USP40: variants seen among roughly 807,000 people sequenced by gnomAD.
USP40 encodes the protein ubiquitin specific peptidase 40.
A neutral mutation model predicts 166.2 loss-of-function variants in USP40; 143 were observed. The ratio of observed to expected loss-of-function variants is 0.86; its 90% CI spans 0.75 to 0.99. The LOEUF is 0.99. Among genes scored for constraint, USP40 ranks in the 50% least tolerant of loss-of-function variants. The pLI, the probability that USP40 is intolerant of heterozygous loss-of-function variation, is 0.00. For synonymous variants in USP40, 498 were observed against 524.0 expected (o/e 0.95, Z 0.68); for missense variants, 1,444 against 1,479.7 (o/e 0.98, Z 0.40).
intron 15 of USP40, 33 bp from the exon 16 acceptor site, chr2:233,523,522 CTGA>C (rs1559251783): frequency 6.4e-7 from 1 of 1,570,434 alleles, no homozygotes; most frequent in Admixed American, 1.8e-5. Flanking sequence ...ATTAGTACAG[CTGA>C]TATTTGCCAA....
chr2:233,548,004 T>C (rs1424082393), intron 8 of USP40, among the ~76,000 whole-genome samples: 1 of 151,974 alleles, frequency 6.6e-6, no homozygotes, highest in East Asian at 1.9e-4. Context: ...CAATGTGGTA[T>C]TTGCCCAGGA....
In USP40 at chr2:233,525,701, G is replaced by A. The variant is rs112827415; in HGVS notation, c.1726-139C>T. On this transcript the variant is annotated intron_variant, in intron 13 of 31. Coordinates refer to ENST00000678225, the MANE Select transcript of USP40 (RefSeq NM_001365479.2). ...AATACTCTCACCCCCACCCAACACCGAAAACTTGAAAAGAAGGCATCACTT... is the reference window on the plus strand; with the variant it reads ...AATACTCTCACCCCCACCCAACACCAAAAACTTGAAAAGAAGGCATCACTT... The A allele has an allele frequency of 2.5e-3, 1,388 of 560,988 alleles. 17 individuals are homozygous for A. The highest frequency in any genetic ancestry group is 0.022 in the African/African-American group (1,151 of 52,954). The allele number at this position is 560,988 out of a possible 1,614,324, so 34.8% of individuals were successfully genotyped here.
At chr2:233,521,707 C>G (rs1655872392) in intron 16 of USP40, among the ~76,000 whole-genome samples, 1 of 152,192 alleles carries the variant, frequency 6.6e-6, no homozygotes, top group South Asian at 2.1e-4. Context: ...CCGAAGTCCT[C>G]TTTGGGAATG....
intron 21 of USP40, among the ~76,000 whole-genome samples, chr2:233,503,838 C>T (rs1189715644): frequency 6.6e-6 from 1 of 152,086 alleles, no homozygotes; most frequent in African/African-American, 2.4e-5. Context: ...GTATAAAACT[C>T]ACAAGTATAG....
At chr2:233,491,378 T>G in intron 25 of USP40, 117 bp from the exon 26 acceptor site, 1 of 784,646 alleles carries the variant, frequency 1.3e-6, no homozygotes, top group Non-Finnish European at 2.1e-6. Context: ...CTCAAGAGCC[T>G]CTGCATCCAA....
At chr2:233,535,277 C>T (rs2068854195) in intron 10 of USP40, among the ~76,000 whole-genome samples, 1 of 152,146 alleles carries the variant, frequency 6.6e-6, no homozygotes, top group Non-Finnish European at 1.5e-5. Context: ...AGCAGGGCTG[C>T]CTGATGCCAA....
At chr2:233,515,059 T>C (rs558759778) in intron 18 of USP40, among the ~76,000 whole-genome samples, 2 of 152,344 alleles carry the variant, frequency 1.3e-5, no homozygotes, top group East Asian at 1.9e-4. Flanking sequence ...TTGAGATGCA[T>C]TCATGTGTTG....
At chr2:233,515,796 T>C (rs1322659483) in intron 18 of USP40, among the ~76,000 whole-genome samples, 1 of 152,236 alleles carries the variant, frequency 6.6e-6, no homozygotes, top group Non-Finnish European at 1.5e-5. Flanking sequence ...TCATATGTTT[T>C]CTCCCAGAAA....
intron 28 of USP40, among the ~76,000 whole-genome samples, chr2:233,487,433 CAT>C (rs2065016241): frequency 6.6e-6 from 1 of 152,084 alleles, no homozygotes. Flanking sequence ...ATGTCCACAC[CAT>C]TTGATCCTGG....
chr2:233,561,139 A>C (rs938708354), intron 3 of USP40: 2 of 1,566,284 alleles, frequency 1.3e-6, no homozygotes, highest in Non-Finnish European at 1.7e-6. Flanking sequence ...AAAACACCCC[A>C]GTAAATCATA....
At chr2:233,544,420 C>T (rs952868968) in intron 8 of USP40, among the ~76,000 whole-genome samples, 2 of 152,148 alleles carry the variant, frequency 1.3e-5, no homozygotes, top group Non-Finnish European at 2.9e-5. Context: ...TTAAATAAAT[C>T]ACTCGTCACT....
chr2:233,541,259 G>A (rs1227872565), intron 9 of USP40, among the ~76,000 whole-genome samples: 1 of 152,198 alleles, frequency 6.6e-6, no homozygotes, highest in African/African-American at 2.4e-5. Flanking sequence ...CAATATTTCA[G>A]AATGTGACCA....
At chr2:233,560,821 G>T in intron 3 of USP40, 1 of 503,764 alleles carries the variant, frequency 2.0e-6, no homozygotes. Flanking sequence ...GTGGGGTGGA[G>T]AGGTCGGTAT....
At chr2:233,483,820 T>C (rs960360516) in intron 30 of USP40, among the ~76,000 whole-genome samples, 4 of 152,226 alleles carry the variant, frequency 2.6e-5, no homozygotes, top group Non-Finnish European at 1.5e-5. Context: ...GAATCATAGA[T>C]ACTCAACTTG....
At chr2:233,507,249 T>C (rs1030765137) in intron 21 of USP40, among the ~76,000 whole-genome samples, 10 of 152,204 alleles carry the variant, frequency 6.6e-5, no homozygotes, top group African/African-American at 2.2e-4. Context: ...ACGGCCATTA[T>C]AGAAAACAGT....
intron 8 of USP40, among the ~76,000 whole-genome samples, chr2:233,545,119 T>TA (rs2069788671): frequency 6.6e-6 from 1 of 152,088 alleles, no homozygotes; most frequent in African/African-American, 2.4e-5. Context: ...CACAAGGAAA[T>TA]ACAATCAGCA....
At chr2:233,496,662 T>C in intron 24 of USP40, 96 bp downstream of exon 24, 1 of 978,118 alleles carries the variant, frequency 1.0e-6, no homozygotes, top group South Asian at 1.6e-5. Flanking sequence ...TATGACTGTC[T>C]GAATTTCCCC....
intron 10 of USP40, among the ~76,000 whole-genome samples, chr2:233,540,369 T>A (rs1276150365): frequency 6.6e-6 from 1 of 152,166 alleles, no homozygotes; most frequent in Non-Finnish European, 1.5e-5. Context: ...TCAAGTGAAA[T>A]CTGGGTGAAT....
In USP40 at chr2:233,562,755, T is replaced by C. The variant is rs547720851; in HGVS notation, c.248A>G (p.Lys83Arg). 2.0e-6 allele frequency: 3 copies of C among 1,536,548 alleles called. No homozygotes were observed. The highest frequency in any genetic ancestry group is 4.9e-5 in the East Asian group (2 of 40,564). The change falls in exon 3 of 32, where the codon AAG (lysine) becomes AGG (arginine). Residue 83 changes from lysine (K) to arginine (R), a missense_variant. Lys to Arg is a conservative substitution (Grantham distance 26). Transcript: ENST00000678225. ...GPEELGLFED[K>R]DKPDAKVRII... ...AAATACCTTTGCATCGGGTTTATCC[T>C]TATCTTCAAACAAACCAAGCTCTTC...
Sources: gnomAD v4.1 joint callset for allele counts (sites outside exome capture counted in the v4.1 genomes callset) on GRCh38, gnomAD v4.1.1 for gene constraint, MANE v1.5 for transcripts, NCBI Gene and HGNC (gene_info 2026-07-23, HGNC 2026-07-21) for gene names.